The following MAPK10 variants were observed in gnomAD, a reference collection of about 807,000 sequenced individuals.
MAPK10 encodes the protein JNK3 alpha protein kinase.
In MAPK10, 25 loss-of-function variants were observed where a neutral mutation model predicts 59.3. The observed-to-expected ratio is 0.42, with a 90% CI of 0.31 to 0.59. The LOEUF (loss-of-function observed/expected upper bound fraction) is 0.59. Ranked by LOEUF, MAPK10 falls within the 20% of genes least tolerant of loss-of-function variation. The probability of loss-of-function intolerance (pLI) is 0.15; values close to 1 mark genes in which losing one functional copy is unlikely to be tolerated. For missense variants in MAPK10, 351 were observed against 568.9 expected (o/e 0.62, Z 3.90); for synonymous variants, 190 against 200.5 (o/e 0.95, Z 0.44).
At chr4:86,495,569 C>T (rs1473347373) in intron 1 of MAPK10, among the ~76,000 whole-genome samples, 2 of 152,050 alleles carry the variant, frequency 1.3e-5, no homozygotes, top group Admixed American at 6.6e-5. Flanking sequence ...CATTTAGTGT[C>T]GACATTTTAA....
chr4:86,014,810 G>C lies in MAPK10; in HGVS notation c.*2418C>G, dbSNP rs933014239. 3.9e-5 allele frequency: 6 copies of C among 152,140 alleles called. No homozygotes were observed. Among genetic ancestry groups the C allele is most frequent in the Non-Finnish European group, 8.8e-5 (6 of 68,066 alleles). The allele number at this position is 152,140 out of a possible 1,614,324, so 9.4% of individuals were successfully genotyped here. ...AAGCACTTTGAAGATGCTGGCTGGA[G>C]ACTTCCTTCTGTCTTGTGATGTCAT... On this transcript the variant is annotated 3_prime_UTR_variant, in exon 14 of 14. Transcript: ENST00000641462.
At chr4:86,136,626 C>T (rs1279280259) in intron 4 of MAPK10, among the ~76,000 whole-genome samples, 2 of 150,602 alleles carry the variant, frequency 1.3e-5, no homozygotes, top group African/African-American at 5.0e-5. Context: ...ACTGCATCAA[C>T]TAACGAGCAA....
chr4:86,449,730 T>G (rs1314105041), intron 1 of MAPK10, among the ~76,000 whole-genome samples: 1 of 152,212 alleles, frequency 6.6e-6, no homozygotes, highest in Admixed American at 6.5e-5. Context: ...TTAGGTTATA[T>G]TACGTGGCAA....
intron 11 of MAPK10, 121 bp from the exon 12 acceptor site, chr4:86,031,552 G>A (rs953661385): frequency 7.4e-6 from 5 of 675,938 alleles, no homozygotes; most frequent in African/African-American, 1.8e-5. Context: ...TATAAGTTAT[G>A]AGGAAATTAC....
chr4:86,352,803 G>A (rs577932251), intron 2 of MAPK10, among the ~76,000 whole-genome samples: 2 of 152,102 alleles, frequency 1.3e-5, no homozygotes, highest in Non-Finnish European at 2.9e-5. Flanking sequence ...AAAATAAACT[G>A]ATTATGTCAA....
At chr4:86,319,285 TGAA>T (rs1244231483) in intron 2 of MAPK10, among the ~76,000 whole-genome samples, 1 of 151,930 alleles carries the variant, frequency 6.6e-6, no homozygotes, top group East Asian at 1.9e-4. Flanking sequence ...GGGCCAGAAG[TGAA>T]GAAGAACAGA....
chr4:86,208,117 A>C (rs559572514), intron 2 of MAPK10, among the ~76,000 whole-genome samples: 6 of 152,254 alleles, frequency 3.9e-5, no homozygotes, highest in African/African-American at 1.2e-4. Flanking sequence ...CAACCAAAAA[A>C]TTCCAGGACC....
intron 1 of MAPK10, among the ~76,000 whole-genome samples, chr4:86,459,133 T>C (rs1751500319): frequency 1.3e-5 from 2 of 152,134 alleles, no homozygotes; most frequent in Non-Finnish European, 1.5e-5. Context: ...AAAGAGGATA[T>C]ACAAATGGAC....
chr4:86,036,530 TCA>T lies in MAPK10; in HGVS notation c.1111-5101_1111-5100del, dbSNP rs1034025171. Among the ~76,000 whole-genome samples the T allele has an allele frequency of 2.0e-5, 3 of 152,206 alleles. No homozygotes were observed. The East Asian group carries it at 5.8e-4, about 29-fold the overall frequency. ...GTCTTTATATAGACCTTAATAATCC[TCA>T]CAGTCAGGAAACTAAGATTCAAGGA... On this transcript the variant is annotated intron_variant, in intron 11 of 13. Coordinates refer to ENST00000641462, the MANE Select transcript of MAPK10 (RefSeq NM_138982.4).
At chr4:86,131,577 G>A (rs1159608108) in intron 4 of MAPK10, among the ~76,000 whole-genome samples, 2 of 151,944 alleles carry the variant, frequency 1.3e-5, no homozygotes, top group Non-Finnish European at 2.9e-5. Flanking sequence ...TTTCAAGGTA[G>A]AAAATAAAAA....
chr4:86,272,529 A>G (rs1046760307), intron 2 of MAPK10, among the ~76,000 whole-genome samples: 3 of 152,050 alleles, frequency 2.0e-5, no homozygotes, highest in African/African-American at 7.2e-5. Context: ...TCATACATTT[A>G]TACTCAGTTT....
intron 1 of MAPK10, among the ~76,000 whole-genome samples, chr4:86,369,994 T>C (rs1209373404): frequency 1.3e-5 from 2 of 152,142 alleles, no homozygotes; most frequent in Non-Finnish European, 2.9e-5. Context: ...CAACCCTTAG[T>C]AGATGACAGT....
At chr4:86,411,824 G>A (rs1745207737) in intron 1 of MAPK10, among the ~76,000 whole-genome samples, 1 of 152,056 alleles carries the variant, frequency 6.6e-6, no homozygotes, top group Admixed American at 6.5e-5. Flanking sequence ...CTTAAACACA[G>A]CACACTGATG....
intron 2 of MAPK10, among the ~76,000 whole-genome samples, chr4:86,284,935 A>C (rs997412537): frequency 1.1e-4 from 16 of 152,346 alleles, no homozygotes; most frequent in African/African-American, 3.8e-4. Flanking sequence ...TACTCTCAGA[A>C]AAGCAGGATT....
At chr4:86,443,131 A>C (rs1749609055) in intron 1 of MAPK10, among the ~76,000 whole-genome samples, 1 of 152,176 alleles carries the variant, frequency 6.6e-6, no homozygotes, top group Non-Finnish European at 1.5e-5. Flanking sequence ...TGAATAGATA[A>C]GTTTTTGTGT....
Position 86,563,794 on chromosome 4 carries a change from G to A in MAPK10, c.-263+30116C>T, listed in dbSNP as rs142450755. Among the ~76,000 whole-genome samples the A allele has an allele frequency of 3.4e-4, 51 of 152,234 alleles. No individual in the cohort carries two copies. In the East Asian group the frequency reaches 9.3e-3, roughly 28 times the overall value. ...GGCCAGATGGAGCTGGACAGCATGCGATTTCATCATGCTACTAAGAATGCA... is the reference window on the plus strand; with the variant it reads ...GGCCAGATGGAGCTGGACAGCATGCAATTTCATCATGCTACTAAGAATGCA... On this transcript the variant is annotated intron_variant, in intron 1 of 4. Transcript: ENST00000502302.
intron 13 of MAPK10, 132 bp downstream of exon 13, chr4:86,029,065 A>T: frequency 1.3e-6 from 1 of 761,178 alleles, no homozygotes; most frequent in South Asian, 1.4e-5. Context: ...TAAAATCATT[A>T]TAAGGACACA....
chr4:86,524,109 C>G (rs1047765277), intron 1 of MAPK10, among the ~76,000 whole-genome samples: 3 of 152,174 alleles, frequency 2.0e-5, no homozygotes, highest in African/African-American at 7.2e-5. Flanking sequence ...GATCGTTGCA[C>G]GTACAAGCTC....
At chr4:86,501,403 C>G (rs2149079414) in intron 1 of MAPK10, among the ~76,000 whole-genome samples, 2 of 152,022 alleles carry the variant, frequency 1.3e-5, no homozygotes, top group South Asian at 4.1e-4. Context: ...ACTATACATT[C>G]TAGTCTACAA....
Sources: allele counts gnomAD v4.1 joint callset (sites outside exome capture counted in the v4.1 genomes callset), GRCh38; gene constraint gnomAD v4.1.1; transcripts MANE v1.5; gene names NCBI Gene and HGNC (gene_info 2026-07-23, HGNC 2026-07-21).